Variants in CRYZL1 observed in about 807,000 individuals in gnomAD.
The protein encoded by CRYZL1 is crystallin zeta like 1, also known as ferry endosomal RAB5 effector complex subunit 4.
A neutral mutation model predicts 50.6 loss-of-function variants in CRYZL1; 34 were observed. That is an observed-to-expected ratio of 0.67 (90% CI 0.51 to 0.89). CRYZL1 has a LOEUF of 0.89. Among genes scored for constraint, CRYZL1 ranks in the 40% least tolerant of loss-of-function variants. The pLI is 0.00. For synonymous variants in CRYZL1, 125 were observed against 134.3 expected (o/e 0.93, Z 0.48); for missense variants, 354 against 402.3 (o/e 0.88, Z 1.03).
At chr21:33,637,788 T>TATATATACACAC (rs1491462371) in intron 1 of CRYZL1, among the ~76,000 whole-genome samples, 1 of 117,208 alleles carries the variant, frequency 8.5e-6, no homozygotes, top group Admixed American at 9.0e-5. Context: ...TATATATATA[T>TATATATACACAC]ACACACACAC....
intron 11 of CRYZL1, chr21:33,594,930 G>A (rs1312811173): frequency 6.3e-6 from 1 of 158,518 alleles, no homozygotes; most frequent in East Asian, 1.9e-4. Flanking sequence ...ATATTCAGTA[G>A]AGAGAAGTGT....
At chr21:33,619,565 TTTC>T (rs1286819934) in intron 4 of CRYZL1, among the ~76,000 whole-genome samples, 1 of 147,640 alleles carries the variant, frequency 6.8e-6, no homozygotes, top group African/African-American at 2.7e-5. Flanking sequence ...TTTTTTTCTT[TTTC>T]TTTTTTTTCT....
At chr21:33,632,027 G>A (rs566979112) in intron 1 of CRYZL1, among the ~76,000 whole-genome samples, 1 of 152,150 alleles carries the variant, frequency 6.6e-6, no homozygotes, top group African/African-American at 2.4e-5. Context: ...TTTAATGGAA[G>A]TATTTAAACT....
intron 2 of CRYZL1, among the ~76,000 whole-genome samples, chr21:33,627,499 C>T (rs1175284141): frequency 6.6e-6 from 1 of 152,162 alleles, no homozygotes; most frequent in Admixed American, 6.5e-5. Flanking sequence ...ACATATAACA[C>T]TTACTTTTAA....
chr21:33,594,800 G>C (rs2086677945), intron 11 of CRYZL1: 1 of 144,544 alleles, frequency 6.9e-6, no homozygotes, highest in Admixed American at 7.1e-5. Context: ...GTGCCACCAT[G>C]CCCGGCCTAC....
chr21:33,627,983 G>C (rs1295724606), intron 2 of CRYZL1, among the ~76,000 whole-genome samples: 1 of 152,126 alleles, frequency 6.6e-6, no homozygotes, highest in Non-Finnish European at 1.5e-5. Flanking sequence ...CTGACCTCAT[G>C]ATCTGCCTGC....
chr21:33,609,037 C>T (rs1378389208), intron 6 of CRYZL1, among the ~76,000 whole-genome samples: 1 of 152,210 alleles, frequency 6.6e-6, no homozygotes, highest in Non-Finnish European at 1.5e-5. Flanking sequence ...TTGGTAACAG[C>T]TATTCTGACA....
intron 8 of CRYZL1, 81 bp from the exon 9 acceptor site, chr21:33,599,329 A>G (rs767879423): frequency 6.4e-7 from 1 of 1,574,270 alleles, no homozygotes; most frequent in East Asian, 2.3e-5. Flanking sequence ...GAAAAAGAAA[A>G]GCAAATAAAT....
At chr21:33,610,513 G>C (rs1267821540) in intron 6 of CRYZL1, among the ~76,000 whole-genome samples, 1 of 152,046 alleles carries the variant, frequency 6.6e-6, no homozygotes, top group Non-Finnish European at 1.5e-5. Context: ...ATCTGCAATT[G>C]TTTTCTCTAT....
chr21:33,624,513 C>T (rs1476082769), intron 3 of CRYZL1, among the ~76,000 whole-genome samples, 170 bp downstream of exon 3: 2 of 152,160 alleles, frequency 1.3e-5, no homozygotes, highest in Non-Finnish European at 2.9e-5. Flanking sequence ...TGCACCACTG[C>T]ACTCCAGCCT....
intron 2 of CRYZL1, 103 bp downstream of exon 2, chr21:33,631,383 A>T: frequency 1.3e-6 from 1 of 746,656 alleles, no homozygotes; most frequent in East Asian, 3.4e-5. Flanking sequence ...TCATTTGAGT[A>T]ATTTTGTTCA....
At position 33,637,729 on chromosome 21, in the gene CRYZL1, G is replaced by T. The variant is rs958594029; in HGVS notation, c.-7+3952C>A. Among the ~76,000 whole-genome samples, 14 of 141,772 alleles carry T rather than the reference G, an allele frequency of 9.9e-5. No homozygotes were observed. The Admixed American group carries it at 1.0e-3, about 10-fold the overall frequency. 93.0% of individuals were successfully genotyped at this position (141,772 alleles called of 152,430 possible). ...TACCTTCATTTTTAAGGAAAGCAAAGATATATATAAACAGCTACACAAGAG... is the reference window on the plus strand; with the variant it reads ...TACCTTCATTTTTAAGGAAAGCAAATATATATATAAACAGCTACACAAGAG... On this transcript the variant is annotated intron_variant, in intron 1 of 12. Transcript: ENST00000381554.
intron 6 of CRYZL1, among the ~76,000 whole-genome samples, chr21:33,609,250 C>A (rs919649169): frequency 6.6e-6 from 1 of 152,140 alleles, no homozygotes; most frequent in African/African-American, 2.4e-5. Context: ...GGCTTATCAA[C>A]ATTTTCCCCC....
chr21:33,613,495 A>G (rs369668268), intron 6 of CRYZL1, 43 bp downstream of exon 6: 82 of 1,253,722 alleles, frequency 6.5e-5, no homozygotes, highest in Admixed American at 1.1e-4. Context: ...ATGTCAGTGA[A>G]GTAAGACTTA....
At chr21:33,629,483 G>A (rs1181377194) in intron 2 of CRYZL1, among the ~76,000 whole-genome samples, 2 of 152,150 alleles carry the variant, frequency 1.3e-5, no homozygotes, top group African/African-American at 4.8e-5. Context: ...GGCTGGTCTT[G>A]AACTCTTGAG....
intron 2 of CRYZL1, among the ~76,000 whole-genome samples, chr21:33,627,224 C>T (rs368305852): frequency 2.2e-4 from 34 of 152,012 alleles, no homozygotes; most frequent in African/African-American, 8.0e-4. Flanking sequence ...GAACATGGCT[C>T]ACTGTAGCCT....
chr21:33,593,051 CAAA>C (rs766943166), intron 11 of CRYZL1, among the ~76,000 whole-genome samples: 9 of 93,908 alleles, frequency 9.6e-5, no homozygotes, highest in Non-Finnish European at 4.5e-5. Context: ...GACTCTATCT[CAAA>C]AAAAAAAAAA....
At chr21:33,625,107 T>C (rs1438039858) in intron 2 of CRYZL1, among the ~76,000 whole-genome samples, 2 of 152,090 alleles carry the variant, frequency 1.3e-5, no homozygotes, top group Non-Finnish European at 2.9e-5. Context: ...GCTCTTCACA[T>C]TTACAGGGAT....
At chr21:33,638,034 A>G (rs1318101866) in intron 1 of CRYZL1, among the ~76,000 whole-genome samples, 2 of 152,000 alleles carry the variant, frequency 1.3e-5, no homozygotes, top group Non-Finnish European at 2.9e-5. Flanking sequence ...AATTTTAACA[A>G]TGTTCACATT....
Sources: allele counts gnomAD v4.1 joint callset (sites outside exome capture counted in the v4.1 genomes callset), GRCh38; gene constraint gnomAD v4.1.1; transcripts MANE v1.5; gene names NCBI Gene and HGNC (gene_info 2026-07-23, HGNC 2026-07-21).